PKN2: variants seen among roughly 807,000 people sequenced by gnomAD.
The protein encoded by PKN2 is protein kinase N2.
PKN2 carries 38 observed loss-of-function variants against 119.1 expected under a neutral mutation model. The observed-to-expected ratio is 0.32, with a 90% CI of 0.25 to 0.42. The LOEUF (loss-of-function observed/expected upper bound fraction) is 0.42, where lower values mean the gene tolerates loss of function less well. PKN2 is among the 10% of genes least tolerant of loss of function. The pLI is 1.00. For missense variants in PKN2, 850 were observed against 1,165.1 expected (o/e 0.73, Z 3.94); for synonymous variants, 390 against 384.9 (o/e 1.01, Z -0.15).
rs566442648 is a variant in PKN2 at position 88,828,951 on chromosome 1, G to A, written c.2562+328G>A. 38 of 635,980 alleles carry A rather than the reference G, an allele frequency of 6.0e-5. No individual in the cohort carries two copies. The East Asian group carries it at 1.2e-3, about 20-fold the overall frequency. 39.4% of individuals were successfully genotyped at this position (635,980 alleles called of 1,614,324 possible). A position where few individuals can be genotyped will look rare whatever the true frequency, so the allele number is the denominator to read the frequency against. ...AATAAAAGGAATGTACTCTGTACCT[G>A]TAAAGAAAAGCCCACTATAGATTGG... On this transcript the variant is annotated intron_variant, in intron 19 of 21. Coordinates refer to ENST00000370521, the MANE Select transcript of PKN2 (RefSeq NM_006256.4).
chr1:88,808,609 A>G (rs966186184), intron 15 of PKN2, among the ~76,000 whole-genome samples: 1 of 152,130 alleles, frequency 6.6e-6, no homozygotes, highest in Admixed American at 6.5e-5. Flanking sequence ...CGGCCCCACA[A>G]TTATTAAAAT....
intron 1 of PKN2, among the ~76,000 whole-genome samples, chr1:88,698,402 A>G (rs1358647481): frequency 6.6e-6 from 1 of 152,214 alleles, no homozygotes; most frequent in Non-Finnish European, 1.5e-5. Flanking sequence ...ACAGTAAACA[A>G]GAAAATATTC....
chr1:88,733,832 A>G (rs938412149), intron 1 of PKN2, among the ~76,000 whole-genome samples: 1 of 152,208 alleles, frequency 6.6e-6, no homozygotes, highest in African/African-American at 2.4e-5. Flanking sequence ...GAAAATTCAA[A>G]ACGTTCCAAT....
chr1:88,750,888 A>G (rs933156009), intron 2 of PKN2, among the ~76,000 whole-genome samples: 1 of 152,060 alleles, frequency 6.6e-6, no homozygotes, highest in Admixed American at 6.6e-5. Context: ...CTTCATCTTT[A>G]TTGCCACAGC....
chr1:88,829,787 C>T (rs1022961502), intron 19 of PKN2, among the ~76,000 whole-genome samples: 3 of 152,176 alleles, frequency 2.0e-5, no homozygotes, highest in Non-Finnish European at 4.4e-5. Context: ...CTCCCTTGTA[C>T]ACTTGTAAGT....
intron 6 of PKN2, chr1:88,781,023 T>G: frequency 3.2e-6 from 3 of 933,994 alleles, no homozygotes; most frequent in South Asian, 4.9e-5. Flanking sequence ...AAGAAGTATC[T>G]TACAATTCTT....
chr1:88,833,600 T>G lies in PKN2; in HGVS notation c.*152T>G. On this transcript the variant is annotated 3_prime_UTR_variant, in exon 22 of 22. Transcript: ENST00000370521. ...GTGAAGATTTGTTTAAAAGTACCAT[T>G]CTAATACTTCTTCAAAAGTGGCTCC... 1.6e-6 allele frequency: 1 copy of G among 616,516 alleles called. No homozygotes were observed. The allele number at this position is 616,516 out of a possible 1,614,324, so 38.2% of individuals were successfully genotyped here. A position where few individuals can be genotyped will look rare whatever the true frequency, so the allele number is the denominator to read the frequency against.
In PKN2 at chr1:88,741,307, T is replaced by C; in HGVS notation, c.349+19T>C. The stretch of plus-strand genomic sequence containing the variant: ...ATTACAGGTATAGTAGTGCTTTATT[T>C]GATGTTTATATGGTATATTAATAAA... On this transcript the variant is annotated intron_variant, in intron 2 of 21. Transcript: ENST00000370521. The C allele has an allele frequency of 6.9e-7, 1 of 1,451,762 alleles. No individual in the cohort carries two copies. The highest frequency in any genetic ancestry group is 2.4e-5 in the East Asian group (1 of 42,282). 89.9% of individuals were successfully genotyped at this position (1,451,762 alleles called of 1,614,324 possible).
intron 8 of PKN2, among the ~76,000 whole-genome samples, chr1:88,793,275 A>C (rs1670921822): frequency 6.6e-6 from 1 of 152,208 alleles, no homozygotes; most frequent in Non-Finnish European, 1.5e-5. Flanking sequence ...AGTGAATGAT[A>C]AAATAGACTA....
chr1:88,821,302 T>C (rs1672281286), intron 16 of PKN2, among the ~76,000 whole-genome samples: 1 of 152,168 alleles, frequency 6.6e-6, no homozygotes, highest in African/African-American at 2.4e-5. Flanking sequence ...ATAAAAGCCT[T>C]ATCTGTTCTT....
At chr1:88,784,612 T>C in intron 6 of PKN2, 27 bp from the exon 7 acceptor site, 2 of 1,444,798 alleles carry the variant, frequency 1.4e-6, no homozygotes, top group Non-Finnish European at 1.9e-6. Flanking sequence ...GTTGATGTTC[T>C]TATCTGATAT....
chr1:88,695,445 T>TA (rs1281991291), intron 1 of PKN2, among the ~76,000 whole-genome samples: 1 of 152,156 alleles, frequency 6.6e-6, no homozygotes, highest in African/African-American at 2.4e-5. Flanking sequence ...TTTGTTTTTT[T>TA]ATCTCCTGAA....
At chr1:88,727,308 A>G (rs6694054) in intron 1 of PKN2, among the ~76,000 whole-genome samples, 1 of 151,434 alleles carries the variant, frequency 6.6e-6, no homozygotes, top group South Asian at 2.1e-4. Flanking sequence ...ATACATTGAA[A>G]CAGCATTCCT....
chr1:88,753,358 G>A (rs771639295), intron 2 of PKN2, among the ~76,000 whole-genome samples: 118 of 151,728 alleles, frequency 7.8e-4, no homozygotes, highest in Non-Finnish European at 1.5e-3. Context: ...ACATCCTTTC[G>A]CATTTTTAAA....
chr1:88,762,637 T>C (rs1669494873), intron 3 of PKN2, among the ~76,000 whole-genome samples: 1 of 152,204 alleles, frequency 6.6e-6, no homozygotes, highest in Non-Finnish European at 1.5e-5. Flanking sequence ...CAATATATAA[T>C]ATCCTGCTTT....
intron 17 of PKN2, among the ~76,000 whole-genome samples, chr1:88,822,877 C>A (rs1672353210): frequency 6.6e-6 from 1 of 152,226 alleles, no homozygotes; most frequent in African/African-American, 2.4e-5. Context: ...CCGTGCCCAG[C>A]CGGTAAGGTT....
At chr1:88,747,005 G>A (rs1055627717) in intron 2 of PKN2, among the ~76,000 whole-genome samples, 2 of 152,130 alleles carry the variant, frequency 1.3e-5, no homozygotes, top group Non-Finnish European at 2.9e-5. Flanking sequence ...GACACAGAAA[G>A]ACAAATAGCT....
chr1:88,773,014 A>G (rs1669955290), intron 6 of PKN2, among the ~76,000 whole-genome samples: 3 of 152,056 alleles, frequency 2.0e-5, no homozygotes, highest in Admixed American at 2.0e-4. Context: ...CAATTTTTAT[A>G]TCTTCTAGAC....
At chr1:88,707,504 T>C (rs1667049601) in intron 1 of PKN2, among the ~76,000 whole-genome samples, 1 of 152,138 alleles carries the variant, frequency 6.6e-6, no homozygotes, top group Non-Finnish European at 1.5e-5. Context: ...AACAATGGTA[T>C]GACAAACCTT....
Sources: gnomAD v4.1 joint callset for allele counts (sites outside exome capture counted in the v4.1 genomes callset) on GRCh38, gnomAD v4.1.1 for gene constraint, MANE v1.5 for transcripts, NCBI Gene and HGNC (gene_info 2026-07-23, HGNC 2026-07-21) for gene names.